LAMP2: variants seen among roughly 807,000 people sequenced by gnomAD.
The protein encoded by LAMP2 is lysosome-associated membrane glycoprotein 2.
In LAMP2, 4 loss-of-function variants were observed where a neutral mutation model predicts 25.6. That is an observed-to-expected ratio of 0.16 (90% CI 0.08 to 0.36). The LOEUF (loss-of-function observed/expected upper bound fraction) is 0.36. LAMP2 is among the 10% of genes least tolerant of loss of function. The probability of loss-of-function intolerance (pLI) is 1.00; values close to 1 mark genes in which losing one functional copy is unlikely to be tolerated. For synonymous variants in LAMP2, 108 were observed against 112.7 expected, an observed-to-expected ratio of 0.96 and a Z score of 0.27; for missense variants, 272 against 301.4, an observed-to-expected ratio of 0.90 and a Z score of 0.72.
At chrX:120,437,345 T>G in intron 8 of LAMP2, 1 of 746,893 alleles carries the variant, frequency 1.3e-6, no homozygotes, top group South Asian at 6.9e-5. Context: ...ATCCATTCAA[T>G]GTCAATATTT....
intron 3 of LAMP2, among the ~76,000 whole-genome samples, chrX:120,450,828 C>T (rs1168266151): frequency 1.8e-5 from 2 of 109,141 alleles, no homozygotes; most frequent in East Asian, 2.8e-4. Flanking sequence ...CTATATTATT[C>T]TCTGTATACA....
In LAMP2 at chrX:120,469,146, C is replaced by T. The variant is rs1478402759; in HGVS notation, c.24G>A (p.Pro8=). 1 of 1,212,102 alleles carries T rather than the reference C, an allele frequency of 8.3e-7. No homozygotes were observed. Among genetic ancestry groups the T allele is most frequent in the Non-Finnish European group, 1.1e-6 (1 of 895,557 alleles). ...CCAGAACGAGCCCTGAGCCCGGAAC[C>T]GGGAAGAGGCGGAAGCACACCATGA... MVCFRLF[P]VPGSGLVLVC... is the part of the protein sequence containing the mutation. The change falls in exon 1 of 9, where the codon CCG becomes CCA. Residue 8 remains proline (P), a synonymous_variant. Coordinates refer to ENST00000200639, the MANE Select transcript of LAMP2 (RefSeq NM_002294.3).
At position 120,430,581 on chromosome X, in the gene LAMP2, T is replaced by C. The variant is rs1347623215; in HGVS notation, c.*742A>G. 4.0e-6 allele frequency: 3 copies of C among 752,991 alleles called. No homozygotes were observed. Among genetic ancestry groups the C allele is most frequent in the Non-Finnish European group, 3.1e-6 (2 of 638,801 alleles). 62.1% of individuals were successfully genotyped at this position (752,991 alleles called of 1,213,427 possible). The stretch of plus-strand genomic sequence containing the variant: ...CAAAAAAGCAAGTGGCTAAATATGC[T>C]TGGATCTTTTCAGTCTATATTGCTG... On this transcript the variant is annotated 3_prime_UTR_variant, in exon 9 of 9. Coordinates refer to ENST00000200639, the MANE Select transcript of LAMP2 (RefSeq NM_002294.3).
chrX:120,439,735 G>T (rs1168877153), intron 8 of LAMP2, among the ~76,000 whole-genome samples: 1 of 110,221 alleles, frequency 9.1e-6, no homozygotes, highest in African/African-American at 3.3e-5. Flanking sequence ...ATATATGTTT[G>T]TTTATATTCC....
chrX:120,451,293 A>G, intron 3 of LAMP2, among the ~76,000 whole-genome samples: 1 of 112,388 alleles, frequency 8.9e-6, no homozygotes, highest in East Asian at 2.8e-4. Flanking sequence ...TTCAGTTATC[A>G]GATGCCTAAA....
rs376215728 is a variant in LAMP2 at position 120,455,550 on chromosome X, G to C, written c.204C>G (p.Asp68Glu). ...TTCCATTATATGTCACAGTGCCATG[G>C]TCTGAAATGGTTACAGTTTTCTAAA... is the stretch of plus-strand genomic sequence containing the variant. ...NKTYKTVTIS[D>E]HGTVTYNGSI... Residue 68 changes from aspartate to glutamate, a missense_variant, in exon 3 of 9, where the codon GAC (aspartate) becomes GAG (glutamate). Asp to Glu is a conservative substitution (Grantham distance 45). Coordinates refer to ENST00000200639, the MANE Select transcript of LAMP2 (RefSeq NM_002294.3). 5 of 1,203,493 alleles carry C rather than the reference G, an allele frequency of 4.2e-6. No individual in the cohort carries two copies. The African/African-American group carries it at 8.8e-5, about 21-fold the overall frequency.
intron 1 of LAMP2, among the ~76,000 whole-genome samples, chrX:120,459,447 T>G (rs1417373859): frequency 8.9e-6 from 1 of 112,226 alleles, no homozygotes; most frequent in Non-Finnish European, 1.9e-5. Flanking sequence ...GAGCCAGGAA[T>G]GGAACAGGGA....
At position 120,431,012 on chromosome X, in the gene LAMP2, A is replaced by C; in HGVS notation, c.*311T>G. The C allele has an allele frequency of 1.6e-5, 14 of 871,307 alleles. No individual in the cohort carries two copies. The highest frequency in any genetic ancestry group is 2.0e-5 in the Non-Finnish European group (14 of 710,509). 71.8% of individuals were successfully genotyped at this position (871,307 alleles called of 1,213,427 possible). On this transcript the variant is annotated 3_prime_UTR_variant, in exon 9 of 9. Coordinates refer to ENST00000200639, the MANE Select transcript of LAMP2 (RefSeq NM_002294.3). ...TATTCTTATAATGGCCATGTTAATA[A>C]GTTCAAGGCATACTTCAAGGTTAGG...
chrX:120,462,494 C>A (rs1327516889), intron 1 of LAMP2, among the ~76,000 whole-genome samples: 2 of 87,835 alleles, frequency 2.3e-5, no homozygotes, highest in Non-Finnish European at 4.5e-5. Flanking sequence ...TGCACTCCAG[C>A]TGGGGGAATG....
In LAMP2 at chrX:120,428,532, A is replaced by C. The variant is rs1035062584; in HGVS notation, c.*2791T>G. Reference sequence around the variant, plus strand: ...GACTTTTCCTTCTTCCAATCATATAAGAGATAAAGACAACAATTATAAGGA... The same window carrying C: ...GACTTTTCCTTCTTCCAATCATATACGAGATAAAGACAACAATTATAAGGA... On this transcript the variant is annotated 3_prime_UTR_variant, in exon 9 of 9. Coordinates refer to ENST00000200639, the MANE Select transcript of LAMP2 (RefSeq NM_002294.3). The C allele has an allele frequency of 6.7e-6, 8 of 1,200,709 alleles. No homozygotes were observed. In the African/African-American group the frequency reaches 1.2e-4, roughly 19 times the overall value.
Position 120,446,335 on chromosome X carries a change from G to T in LAMP2, c.834C>A (p.Thr278=). 1 of 1,204,713 alleles carries T rather than the reference G, an allele frequency of 8.3e-7. No homozygotes were observed. The highest frequency in any genetic ancestry group is 1.1e-6 in the Non-Finnish European group (1 of 889,119). ...CAAAGACAAAGTCTAGATACTTAAT[G>T]GTGCTGCTATTGAGTCTAAGTAGAG... ...HTALLRLNSS[T]IKYLDFVFAV... is the part of the protein sequence containing the mutation. Residue 278 remains threonine, a synonymous_variant, in exon 6 of 9, where the codon ACC becomes ACA. Transcript: ENST00000200639.
In LAMP2 at chrX:120,469,063, G is replaced by A. The variant is rs752228555; in HGVS notation, c.64+43C>T. 23 of 1,170,026 alleles carry A rather than the reference G, an allele frequency of 2.0e-5. 1 individual carries two copies. The South Asian group carries it at 3.2e-4, about 16-fold the overall frequency. On this transcript the variant is annotated intron_variant, in intron 1 of 8. Transcript: ENST00000200639. ...GGTTGTAGCTTTGAACTGGTGCCCCGGGCCCAGGCGGACAGACTAATCGGG... is the reference window on the plus strand; with the variant it reads ...GGTTGTAGCTTTGAACTGGTGCCCCAGGCCCAGGCGGACAGACTAATCGGG...
chrX:120,438,328 A>G, intron 8 of LAMP2: 1 of 752,819 alleles, frequency 1.3e-6, no homozygotes, highest in South Asian at 6.8e-5. Context: ...AGGCCAATTT[A>G]TGAGCACAAA....
intron 1 of LAMP2, among the ~76,000 whole-genome samples, chrX:120,462,275 C>T (rs1921344723): frequency 9.0e-6 from 1 of 110,867 alleles, no homozygotes; most frequent in Non-Finnish European, 1.9e-5. Context: ...AATCCTAGCA[C>T]TTTGGGAGGC....
rs183386365 is a variant in LAMP2 at position 120,436,659 on chromosome X, T to G, written c.1093+5071A>C. 133 of 735,039 alleles carry G rather than the reference T, an allele frequency of 1.8e-4. No individual in the cohort carries two copies. The African/African-American group carries it at 2.7e-3, about 15-fold the overall frequency. 60.6% of individuals were successfully genotyped at this position (735,039 alleles called of 1,213,427 possible). ...GTTTCTTTATACAAATGCTAAAACA[T>G]GAAAAACACCCAAAACCAGATAGAG... On this transcript the variant is annotated intron_variant, in intron 8 of 8. Transcript: ENST00000200639.
chrX:120,467,247 T>A (rs772188246), intron 1 of LAMP2, among the ~76,000 whole-genome samples: 19 of 111,714 alleles, frequency 1.7e-4, no homozygotes, highest in African/African-American at 5.8e-4. Flanking sequence ...ACCCTTCCAA[T>A]ACTATGGTTT....
intron 5 of LAMP2, among the ~76,000 whole-genome samples, chrX:120,446,817 G>A (rs777914305): frequency 1.4e-4 from 16 of 111,100 alleles, no homozygotes; most frequent in African/African-American, 2.0e-4. Context: ...ATGTCTACAC[G>A]ATCCGAGTAA....
chrX:120,429,734 TA>T lies in LAMP2; in HGVS notation c.*1588del. ...TTACTGTTGAGTGACTAGATTTCAT[TA>T]GGGGCAATTTTTATCAAAATGCTAG... On this transcript the variant is annotated 3_prime_UTR_variant, in exon 9 of 9. Coordinates refer to ENST00000200639, the MANE Select transcript of LAMP2 (RefSeq NM_002294.3). The T allele has an allele frequency of 1.3e-6, 1 of 753,938 alleles. No individual in the cohort carries two copies. Among genetic ancestry groups the T allele is most frequent in the East Asian group, 1.5e-4 (1 of 6,661 alleles). The allele number at this position is 753,938 out of a possible 1,213,427, so 62.1% of individuals were successfully genotyped here.
intron 1 of LAMP2, among the ~76,000 whole-genome samples, chrX:120,461,552 C>T (rs1377152059): frequency 1.8e-5 from 2 of 110,582 alleles, no homozygotes; most frequent in Non-Finnish European, 3.8e-5. Flanking sequence ...CTTTAGATAA[C>T]ATTTCTGTCA....
Sources: allele counts gnomAD v4.1 joint callset (sites outside exome capture counted in the v4.1 genomes callset), GRCh38; gene constraint gnomAD v4.1.1; transcripts MANE v1.5; gene names NCBI Gene and HGNC (gene_info 2026-07-23, HGNC 2026-07-21).